Variants in MMGT1 observed in about 807,000 individuals in gnomAD.
MMGT1 encodes ER membrane protein complex subunit 5.
A neutral mutation model predicts 11.7 loss-of-function variants in MMGT1; 2 were observed. The observed-to-expected ratio is 0.17, with a 90% CI of 0.07 to 0.54. The LOEUF (loss-of-function observed/expected upper bound fraction) is 0.54, where lower values mean the gene tolerates loss of function less well. MMGT1 is among the 20% of genes least tolerant of loss of function. MMGT1 has a pLI of 0.94. For missense variants in MMGT1, 74 were observed against 109.0 expected (o/e 0.68, Z 1.43); for synonymous variants, 49 against 44.4 (o/e 1.10, Z -0.41).
chrX:135,968,499 T>TTGTGTG (rs61012323), intron 2 of MMGT1, among the ~76,000 whole-genome samples: 27,931 of 84,698 alleles, frequency 0.33, 4,077 homozygotes, highest in East Asian at 0.51. Context: ...CATTATGTCA[T>TTGTGTG]TGTGTGTGTG....
At chrX:135,972,532 C>A (rs1198674218) in intron 1 of MMGT1, among the ~76,000 whole-genome samples, 6 of 112,001 alleles carry the variant, frequency 5.4e-5, no homozygotes, top group Non-Finnish European at 7.5e-5. Context: ...TCTAACACTA[C>A]CTTTAACCAG....
Position 135,964,167 on chromosome X carries a change from CAG to C in MMGT1, c.*855_*856del, listed in dbSNP as rs1460820417. 5 of 112,934 alleles carry C rather than the reference CAG, an allele frequency of 4.4e-5. No homozygotes were observed. The highest frequency in any genetic ancestry group is 7.5e-5 in the Non-Finnish European group (4 of 53,352). The allele number at this position is 112,934 out of a possible 1,213,427, so 9.3% of individuals were successfully genotyped here. The stretch of plus-strand genomic sequence containing the variant: ...ATTCACTAGTTTAGTATGAAATAAA[CAG>C]AGTTTGAATCAGTTAAACTGGCTAA... On this transcript the variant is annotated 3_prime_UTR_variant, in exon 4 of 4. Transcript: ENST00000305963.
Position 135,973,734 on chromosome X carries a change from TTCCACCGGCGGGTG to T in MMGT1, c.-73_-60del. On this transcript the variant is annotated 5_prime_UTR_variant, in exon 1 of 4. Coordinates refer to ENST00000305963, the MANE Select transcript of MMGT1 (RefSeq NM_173470.3). ...CGAAGGACGGCGGAGCTGTTTCTTC[TTCCACCGGCGGGTG>T]TCCGCGCGCCGCAGAAAGATGACGT... 1 of 1,166,272 alleles carries T rather than the reference TTCCACCGGCGGGTG, an allele frequency of 8.6e-7. No homozygotes were observed.
At chrX:135,972,974 CT>C (rs1462860766) in intron 1 of MMGT1, among the ~76,000 whole-genome samples, 3 of 112,303 alleles carry the variant, frequency 2.7e-5, no homozygotes, top group Non-Finnish European at 5.6e-5. Context: ...AGACTTTGAA[CT>C]GGCTCAGGGC....
At chrX:135,968,489 C>T (rs939651329) in intron 2 of MMGT1, among the ~76,000 whole-genome samples, 4 of 73,845 alleles carry the variant, frequency 5.4e-5, no homozygotes, top group Non-Finnish European at 1.0e-4. Context: ...CCTCGCTCAA[C>T]ATTATGTCAT....
chrX:135,968,705 A>G (rs1189141538), intron 2 of MMGT1, among the ~76,000 whole-genome samples: 2 of 109,971 alleles, frequency 1.8e-5, no homozygotes, highest in Non-Finnish European at 3.8e-5. Flanking sequence ...CGATTTTTGT[A>G]TTTTTAGTAG....
rs781831953 is a variant in MMGT1, at chrX:135,964,974, C to A, written c.*50G>T. Reference sequence around the variant, plus strand: ...GGAGGAGTGTTTTATACCCCAAACTCCAATATTCCAGCTCTGTGTCCTGTC... The same window carrying A: ...GGAGGAGTGTTTTATACCCCAAACTACAATATTCCAGCTCTGTGTCCTGTC... On this transcript the variant is annotated 3_prime_UTR_variant, in exon 4 of 4. Transcript: ENST00000305963. 2.2e-5 allele frequency: 25 copies of A among 1,122,871 alleles called. No homozygotes were observed. The highest frequency in any genetic ancestry group is 2.9e-5 in the Non-Finnish European group (24 of 822,387). The allele number at this position is 1,122,871 out of a possible 1,213,427, so 92.5% of individuals were successfully genotyped here.
intron 2 of MMGT1, among the ~76,000 whole-genome samples, chrX:135,969,946 G>A (rs1024208580): frequency 8.9e-6 from 1 of 112,015 alleles, no homozygotes. Context: ...TTATAATTGT[G>A]TAGGGTCAGT....
At chrX:135,971,138 A>G in intron 1 of MMGT1, 28 bp from the exon 2 acceptor site, 1 of 1,052,146 alleles carries the variant, frequency 9.5e-7, no homozygotes, top group South Asian at 1.9e-5. Context: ...ACCATTAAGG[A>G]AACTGTAGTT....
chrX:135,970,203 A>G (rs1193141699), intron 2 of MMGT1, among the ~76,000 whole-genome samples: 2 of 110,174 alleles, frequency 1.8e-5, no homozygotes, highest in Middle Eastern at 4.7e-3. Context: ...TGTCTCTACT[A>G]AAAACACAAA....
intron 2 of MMGT1, 73 bp downstream of exon 2, chrX:135,970,984 TA>T (rs1319408829): frequency 2.4e-3 from 1,591 of 659,929 alleles, no homozygotes; most frequent in Non-Finnish European, 2.9e-3. Context: ...GAAAAACCAG[TA>T]AAAAAAAAAT....
chrX:135,971,168 G>C (rs1339393942), intron 1 of MMGT1, 58 bp from the exon 2 acceptor site: 1 of 865,463 alleles, frequency 1.2e-6, no homozygotes, highest in Non-Finnish European at 1.7e-6. Context: ...TTCTTAAAAT[G>C]AAGCAAATCA....
At position 135,973,936 on chromosome X, in the gene MMGT1, C is replaced by T. The variant is rs2089238701; in HGVS notation, c.-261G>A. Reference sequence around the variant, plus strand: ...AGGCCTCTCTAGGAGGGCCGGAGCCCAACGGAGTCATAAACGAAGAGGCGA... The same window carrying T: ...AGGCCTCTCTAGGAGGGCCGGAGCCTAACGGAGTCATAAACGAAGAGGCGA... On this transcript the variant is annotated 5_prime_UTR_variant, in exon 1 of 4. Transcript: ENST00000305963. The T allele has an allele frequency of 4.4e-6, 5 of 1,128,130 alleles. No homozygotes were observed. The South Asian group carries it at 7.8e-5, about 18-fold the overall frequency. 93.0% of individuals were successfully genotyped at this position (1,128,130 alleles called of 1,213,427 possible).
intron 2 of MMGT1, 89 bp from the exon 3 acceptor site, chrX:135,967,582 C>A: frequency 2.1e-6 from 1 of 485,833 alleles, no homozygotes; most frequent in African/African-American, 2.5e-5. Context: ...TTGCCTCTAA[C>A]AGGTAGTCCT....
chrX:135,965,171 C>T lies in MMGT1; in HGVS notation c.249G>A (p.Thr83=). The stretch of plus-strand genomic sequence containing the variant: ...CATAAAAGGATGGGTGATTCCTTAA[C>T]GTATCAAATGTCCTTGAAAGAAGAA... ...TSELKNKTFD[T]LRNHPSFYVF... is the part of the protein sequence containing the mutation. The change falls in exon 4 of 4, where the codon ACG becomes ACA. Residue 83 remains threonine (T), a synonymous_variant. Transcript: ENST00000305963. 5.0e-6 allele frequency: 6 copies of T among 1,202,020 alleles called. No individual in the cohort carries two copies. Among genetic ancestry groups the T allele is most frequent in the Non-Finnish European group, 6.8e-6 (6 of 888,427 alleles).
rs1433651916 is a variant in MMGT1 at position 135,962,239 on chromosome X, G to A, written c.*2785C>T. Reference sequence around the variant, plus strand: ...GGCCACATACAACCAGGAAGATGCTGTCAAGCCACTGAGAAGCCACAATGC... The same window carrying A: ...GGCCACATACAACCAGGAAGATGCTATCAAGCCACTGAGAAGCCACAATGC... On this transcript the variant is annotated 3_prime_UTR_variant, in exon 4 of 4. Transcript: ENST00000305963. The A allele has an allele frequency of 2.7e-5, 3 of 111,699 alleles. No individual in the cohort carries two copies. Among genetic ancestry groups the A allele is most frequent in the Non-Finnish European group, 5.6e-5 (3 of 53,129 alleles). 9.2% of individuals were successfully genotyped at this position (111,699 alleles called of 1,213,427 possible).
Position 135,973,434 on chromosome X carries a change from C to A in MMGT1, c.79+163G>T, listed in dbSNP as rs782421749. On this transcript the variant is annotated intron_variant, in intron 1 of 3. Transcript: ENST00000305963. ...ACTCTCTCCAAATTCAAACTCCGAACCTTCCACTGGGAACTCCTGCACTGA... is the reference window on the plus strand; with the variant it reads ...ACTCTCTCCAAATTCAAACTCCGAAACTTCCACTGGGAACTCCTGCACTGA... Among the ~76,000 whole-genome samples the A allele has an allele frequency of 4.4e-5, 5 of 112,576 alleles. No individual in the cohort carries two copies. In the East Asian group the frequency reaches 1.1e-3, roughly 25 times the overall value.
intron 3 of MMGT1, among the ~76,000 whole-genome samples, chrX:135,966,016 T>A (rs782379642): frequency 1.1e-4 from 12 of 112,048 alleles, no homozygotes; most frequent in South Asian, 3.7e-4. Context: ...ATTGTTTTAC[T>A]TCTTTCTTTC....
At chrX:135,970,619 G>C (rs2089212600) in intron 2 of MMGT1, among the ~76,000 whole-genome samples, 1 of 111,348 alleles carries the variant, frequency 9.0e-6, no homozygotes, top group Admixed American at 9.5e-5. Context: ...ATGAAAAGTG[G>C]AGATCACAGG....
Sources: allele counts gnomAD v4.1 joint callset (sites outside exome capture counted in the v4.1 genomes callset), GRCh38; gene constraint gnomAD v4.1.1; transcripts MANE v1.5; gene names NCBI Gene and HGNC (gene_info 2026-07-23, HGNC 2026-07-21).